Variants in BICC1 observed in about 807,000 individuals in gnomAD.
BICC1 encodes protein bicaudal C homolog 1.
Under a neutral mutation model 111.0 loss-of-function variants are expected in BICC1, and 43 were observed. That is an observed-to-expected ratio of 0.39 (90% CI 0.30 to 0.50). The LOEUF (loss-of-function observed/expected upper bound fraction) is 0.50. BICC1 is among the 20% of genes least tolerant of loss of function. The probability of loss-of-function intolerance (pLI) is 0.88; values close to 1 mark genes in which losing one functional copy is unlikely to be tolerated. For synonymous variants in BICC1, 467 were observed against 434.4 expected, an observed-to-expected ratio of 1.07 and a Z score of -0.93; for missense variants, 1,091 against 1,203.2, an observed-to-expected ratio of 0.91 and a Z score of 1.38.
intron 2 of BICC1, among the ~76,000 whole-genome samples, chr10:58,660,878 C>T (rs1483486696): frequency 3.3e-5 from 5 of 152,190 alleles, no homozygotes; most frequent in Admixed American, 1.3e-4. Flanking sequence ...CATTATGTCT[C>T]TTTAAATATT....
intron 3 of BICC1, among the ~76,000 whole-genome samples, chr10:58,780,011 A>G (rs1842843487): frequency 6.6e-6 from 1 of 152,176 alleles, no homozygotes; most frequent in Non-Finnish European, 1.5e-5. Context: ...CAATGGTTGC[A>G]AAGAATCTCA....
chr10:58,745,616 T>A (rs1287137538), intron 3 of BICC1, among the ~76,000 whole-genome samples: 29 of 29,984 alleles, frequency 9.7e-4, no homozygotes, highest in African/African-American at 3.3e-3. Context: ...CCCCCCCACA[T>A]TTTTTTCTGA....
At chr10:58,515,280 C>T (rs764147888) in intron 1 of BICC1, among the ~76,000 whole-genome samples, 3 of 152,178 alleles carry the variant, frequency 2.0e-5, no homozygotes, top group African/African-American at 4.8e-5. Flanking sequence ...TTAAGGACTA[C>T]GACTGGGATA....
intron 1 of BICC1, among the ~76,000 whole-genome samples, chr10:58,589,314 C>A (rs1844528796): frequency 6.6e-6 from 1 of 152,112 alleles, no homozygotes; most frequent in African/African-American, 2.4e-5. Flanking sequence ...CTGGGGGAAT[C>A]CAGTCTAAAA....
At chr10:58,776,876 C>T (rs567630586) in intron 3 of BICC1, among the ~76,000 whole-genome samples, 3 of 152,150 alleles carry the variant, frequency 2.0e-5, no homozygotes, top group Middle Eastern at 3.4e-3. Context: ...CAAGAGGCTG[C>T]GGGAAACTAA....
At chr10:58,682,315 C>G (rs1401170648) in intron 2 of BICC1, among the ~76,000 whole-genome samples, 6 of 152,048 alleles carry the variant, frequency 3.9e-5, no homozygotes, top group Non-Finnish European at 4.4e-5. Context: ...GTGAATAGTG[C>G]CACAATAGAC....
At chr10:58,715,497 G>A (rs1020219878) in intron 3 of BICC1, 23 of 1,009,348 alleles carry the variant, frequency 2.3e-5, no homozygotes, top group Non-Finnish European at 3.3e-5. Context: ...GGCCCTCTTC[G>A]GCCATCTCTC....
chr10:58,683,415 A>C (rs867632074), intron 2 of BICC1, among the ~76,000 whole-genome samples: 1 of 152,200 alleles, frequency 6.6e-6, no homozygotes. Context: ...CAATTCTGTG[A>C]AGAAAGTCAT....
intron 2 of BICC1, chr10:58,650,094 A>T (rs1838398867): frequency 6.6e-6 from 1 of 152,214 alleles, no homozygotes; most frequent in South Asian, 2.1e-4. Context: ...TTTCTCTTAC[A>T]TTAACGATGC....
intron 3 of BICC1, among the ~76,000 whole-genome samples, chr10:58,737,245 C>G (rs1392530648): frequency 6.6e-6 from 1 of 152,122 alleles, no homozygotes; most frequent in African/African-American, 2.4e-5. Context: ...CTATCCCTCT[C>G]CCTTCCCCCC....
At chr10:58,702,576 T>C (rs941074066) in intron 3 of BICC1, among the ~76,000 whole-genome samples, 3 of 152,134 alleles carry the variant, frequency 2.0e-5, no homozygotes, top group African/African-American at 7.2e-5. Flanking sequence ...CTGCTTGTCT[T>C]CATCTATCAG....
intron 1 of BICC1, among the ~76,000 whole-genome samples, chr10:58,613,987 G>A (rs1221955721): frequency 6.6e-6 from 1 of 152,000 alleles, no homozygotes; most frequent in Non-Finnish European, 1.5e-5. Flanking sequence ...TTTTAAATGA[G>A]CATTTTAAAT....
rs1844090188 is a variant in BICC1 at position 58,816,433 on chromosome 10, C to T, written c.2534-1129C>T. On this transcript the variant is annotated intron_variant, in intron 18 of 20. Coordinates refer to ENST00000373886, the MANE Select transcript of BICC1 (RefSeq NM_001080512.3). Reference sequence around the variant, plus strand: ...ACAGCAGCTATCCTTAAGAGAAAAACCTTTTCAGGAAATGCCTTCTGTTTG... The same window carrying T: ...ACAGCAGCTATCCTTAAGAGAAAAATCTTTTCAGGAAATGCCTTCTGTTTG... Among the ~76,000 whole-genome samples the T allele has an allele frequency of 1.3e-5, 2 of 152,122 alleles. 1 individual carries two copies. Among genetic ancestry groups the T allele is most frequent in the South Asian group, 4.1e-4 (2 of 4,828 alleles).
chr10:58,737,396 G>T (rs1183218609), intron 3 of BICC1, among the ~76,000 whole-genome samples: 1 of 152,134 alleles, frequency 6.6e-6, no homozygotes, highest in African/African-American at 2.4e-5. Flanking sequence ...ATGGTTTCCA[G>T]CTTCATCCAT....
At chr10:58,568,846 A>C (rs1325511987) in intron 1 of BICC1, among the ~76,000 whole-genome samples, 2 of 152,150 alleles carry the variant, frequency 1.3e-5, no homozygotes, top group African/African-American at 4.8e-5. Flanking sequence ...ACATGATATT[A>C]CCAAGGCCTC....
chr10:58,647,004 A>C (rs896015103), intron 2 of BICC1, among the ~76,000 whole-genome samples: 2 of 152,170 alleles, frequency 1.3e-5, no homozygotes, highest in African/African-American at 4.8e-5. Context: ...AGCAGGAAGT[A>C]AAGAACAGCC....
chr10:58,828,741 T>A lies in BICC1; in HGVS notation c.2795-20T>A, dbSNP rs938049544. On this transcript the variant is annotated intron_variant, in intron 20 of 20. Coordinates refer to ENST00000373886, the MANE Select transcript of BICC1 (RefSeq NM_001080512.3). ...AGAACTTCTCTTGAGCTCCTAACAA[T>A]TCTCTCTTTCTCTCTCTAGAACTAA... The A allele has an allele frequency of 6.2e-7, 1 of 1,611,194 alleles. No homozygotes were observed. The highest frequency in any genetic ancestry group is 1.7e-5 in the Admixed American group (1 of 59,890).
At chr10:58,659,351 ACTGG>A in intron 2 of BICC1, among the ~76,000 whole-genome samples, 1 of 152,196 alleles carries the variant, frequency 6.6e-6, no homozygotes, top group African/African-American at 2.4e-5. Flanking sequence ...TCAATGGTAG[ACTGG>A]ATAAAGAAAA....
chr10:58,706,952 G>A (rs1390926508), intron 3 of BICC1, among the ~76,000 whole-genome samples: 2 of 152,200 alleles, frequency 1.3e-5, no homozygotes, highest in East Asian at 1.9e-4. Context: ...GTCAGCATGA[G>A]TGAAGCTTTA....
Sources: gnomAD v4.1 joint callset for allele counts (sites outside exome capture counted in the v4.1 genomes callset) on GRCh38, gnomAD v4.1.1 for gene constraint, MANE v1.5 for transcripts, NCBI Gene and HGNC (gene_info 2026-07-23, HGNC 2026-07-21) for gene names.